NUDT6: variants seen among roughly 807,000 people sequenced by gnomAD.
The protein encoded by NUDT6 is FAD diphosphatase NUDT6.
NUDT6 carries 24 observed loss-of-function variants against 36.8 expected under a neutral mutation model. The ratio of observed to expected loss-of-function variants is 0.65; its 90% confidence interval spans 0.47 to 0.92. The LOEUF is 0.92. Ranked by LOEUF, NUDT6 falls within the 40% of genes least tolerant of loss-of-function variation. The probability of loss-of-function intolerance (pLI) is 0.00; values close to 1 mark genes in which losing one functional copy is unlikely to be tolerated. For synonymous variants in NUDT6, 163 were observed against 157.0 expected, an observed-to-expected ratio of 1.04 and a Z score of -0.29; for missense variants, 388 against 392.8, an observed-to-expected ratio of 0.99 and a Z score of 0.10.
intron 2 of NUDT6, among the ~76,000 whole-genome samples, chr4:122,913,716 A>G (rs1323682557): frequency 6.6e-6 from 1 of 151,586 alleles, no homozygotes; most frequent in Non-Finnish European, 1.5e-5. Flanking sequence ...ATATGTTTTA[A>G]GTTCTAGTTC....
chr4:122,912,981 T>G (rs1006597711), intron 2 of NUDT6, among the ~76,000 whole-genome samples: 6 of 152,238 alleles, frequency 3.9e-5, no homozygotes, highest in African/African-American at 1.2e-4. Flanking sequence ...CTGTGACTTG[T>G]CACATGAGGT....
At chr4:122,893,359 A>G in intron 4 of NUDT6, 134 bp from the exon 5 acceptor site, 1 of 810,994 alleles carries the variant, frequency 1.2e-6, no homozygotes, top group Non-Finnish European at 1.8e-6. Context: ...TTTCAATACA[A>G]ATTCTTTGCC....
intron 4 of NUDT6, chr4:122,897,167 TATATA>T (rs1727387212): frequency 6.5e-6 from 1 of 153,528 alleles, no homozygotes; most frequent in African/African-American, 2.4e-5. Context: ...AGTGAAGAAT[TATATA>T]ATCACTGCTT....
intron 3 of NUDT6, among the ~76,000 whole-genome samples, chr4:122,906,073 A>G (rs72919839): frequency 1.1e-3 from 175 of 152,256 alleles, no homozygotes; most frequent in African/African-American, 4.1e-3. Context: ...GGGTCGCAGG[A>G]TCCCCACTCT....
chr4:122,901,428 C>G (rs1337291256), intron 3 of NUDT6, among the ~76,000 whole-genome samples: 1 of 152,062 alleles, frequency 6.6e-6, no homozygotes, highest in Non-Finnish European at 1.5e-5. Flanking sequence ...TATACATTTG[C>G]CAATTACAAG....
Position 122,917,293 on chromosome 4 carries a change from T to A in NUDT6, c.442+208A>T, listed in dbSNP as rs73844964. ...ATGTGTGATAGGAAAAAACATGGTATATATACATAGGGTTTGGTACTATCT... is the reference window on the plus strand; with the variant it reads ...ATGTGTGATAGGAAAAAACATGGTAAATATACATAGGGTTTGGTACTATCT... On this transcript the variant is annotated intron_variant, in intron 2 of 4. Coordinates refer to ENST00000304430, the MANE Select transcript of NUDT6 (RefSeq NM_007083.5). 5.3e-3 allele frequency among the ~76,000 whole-genome samples: 802 copies of A among 152,348 alleles called. 7 individuals carry two copies. The highest frequency in any genetic ancestry group is 0.018 in the African/African-American group (737 of 41,580).
intron 3 of NUDT6, among the ~76,000 whole-genome samples, chr4:122,902,069 C>T (rs949831404): frequency 1.3e-4 from 20 of 152,100 alleles, no homozygotes; most frequent in African/African-American, 4.1e-4. Flanking sequence ...ATAATCCTAT[C>T]GCCTTTTATA....
chr4:122,916,020 T>C (rs1392271695), intron 2 of NUDT6, among the ~76,000 whole-genome samples: 1 of 152,156 alleles, frequency 6.6e-6, no homozygotes, highest in Non-Finnish European at 1.5e-5. Context: ...GCTTCATTGC[T>C]TTCATTTATT....
intron 3 of NUDT6, among the ~76,000 whole-genome samples, chr4:122,901,736 G>A (rs1169552008): frequency 6.6e-6 from 1 of 152,150 alleles, no homozygotes; most frequent in African/African-American, 2.4e-5. Flanking sequence ...TCTAGAATGG[G>A]TGAAAGGAAT....
intron 3 of NUDT6, among the ~76,000 whole-genome samples, chr4:122,911,805 G>A (rs1427985825): frequency 6.6e-6 from 1 of 151,972 alleles, no homozygotes; most frequent in African/African-American, 2.4e-5. Context: ...CCCTAATCAC[G>A]GTACTTCTCT....
chr4:122,905,001 A>G (rs532497923), intron 3 of NUDT6, among the ~76,000 whole-genome samples: 2 of 152,318 alleles, frequency 1.3e-5, no homozygotes, highest in South Asian at 2.1e-4. Flanking sequence ...AAGATTTACT[A>G]TGAAGAGCCA....
chr4:122,908,311 AC>A (rs1727664807), intron 3 of NUDT6, among the ~76,000 whole-genome samples: 1 of 152,180 alleles, frequency 6.6e-6, no homozygotes. Flanking sequence ...AAGTCACACA[AC>A]CCTGCAGGTC....
intron 3 of NUDT6, among the ~76,000 whole-genome samples, chr4:122,911,283 T>G (rs1418852484): frequency 2.0e-5 from 3 of 152,174 alleles, no homozygotes; most frequent in Non-Finnish European, 1.5e-5. Flanking sequence ...AGATTAATTT[T>G]GTCCATATAT....
chr4:122,916,840 A>G (rs931291138), intron 2 of NUDT6, among the ~76,000 whole-genome samples: 3 of 152,194 alleles, frequency 2.0e-5, no homozygotes, highest in African/African-American at 7.2e-5. Flanking sequence ...AATAAGGAAA[A>G]TAAGGGTTAT....
intron 2 of NUDT6, among the ~76,000 whole-genome samples, chr4:122,915,532 T>C (rs1184805248): frequency 2.0e-5 from 3 of 149,918 alleles, no homozygotes; most frequent in Non-Finnish European, 4.4e-5. Context: ...ATTTCTTACA[T>C]TACCTCGTCC....
chr4:122,903,275 C>A (rs1287961434), intron 3 of NUDT6, among the ~76,000 whole-genome samples: 2 of 152,100 alleles, frequency 1.3e-5, no homozygotes, highest in Non-Finnish European at 2.9e-5. Flanking sequence ...ATAATTTGAA[C>A]TTCTTTAGCT....
At position 122,914,615 on chromosome 4, in the gene NUDT6, T is replaced by C. The variant is rs558051649; in HGVS notation, c.443-1992A>G. ...CCTGTGAGTGATATGAGTGTCTGGC[T>C]TCATATAGCTCTAACTGGTAGAACT... On this transcript the variant is annotated intron_variant, in intron 2 of 4. Coordinates refer to ENST00000304430, the MANE Select transcript of NUDT6 (RefSeq NM_007083.5). Among the ~76,000 whole-genome samples, 10 of 152,264 alleles carry C rather than the reference T, an allele frequency of 6.6e-5. No homozygotes were observed. In the South Asian group the frequency reaches 2.1e-3, roughly 32 times the overall value.
chr4:122,900,768 T>TA (rs1383374566), intron 3 of NUDT6, among the ~76,000 whole-genome samples: 4 of 152,184 alleles, frequency 2.6e-5, no homozygotes, highest in South Asian at 4.2e-4. Flanking sequence ...GTCTTAGACT[T>TA]ACACTTTTCC....
At chr4:122,917,293 T>C (rs73844964) in intron 2 of NUDT6, among the ~76,000 whole-genome samples, 1 of 152,230 alleles carries the variant, frequency 6.6e-6, no homozygotes. Flanking sequence ...AAACATGGTA[T>C]ATATACATAG....
Sources: gnomAD v4.1 joint callset for allele counts (sites outside exome capture counted in the v4.1 genomes callset) on GRCh38, gnomAD v4.1.1 for gene constraint, MANE v1.5 for transcripts, NCBI Gene and HGNC (gene_info 2026-07-23, HGNC 2026-07-21) for gene names.